The following OSBPL2 variants were observed in gnomAD, a reference collection of about 807,000 sequenced individuals.
OSBPL2 encodes the protein oxysterol-binding protein-related protein 2.
Under a neutral mutation model 58.4 loss-of-function variants are expected in OSBPL2, and 18 were observed. That is an observed-to-expected ratio of 0.31 (90% confidence interval 0.21 to 0.46). The LOEUF is 0.46. Among genes scored for constraint, OSBPL2 ranks in the 20% least tolerant of loss-of-function variants. OSBPL2 has a pLI of 1.00. For missense variants in OSBPL2, 461 were observed against 616.5 expected, an observed-to-expected ratio of 0.75 and a Z score of 2.67; for synonymous variants, 221 against 234.1, an observed-to-expected ratio of 0.94 and a Z score of 0.51.
intron 11 of OSBPL2, 85 bp downstream of exon 11, chr20:62,286,796 T>G (rs1983160705): frequency 6.8e-7 from 1 of 1,475,404 alleles, no homozygotes; most frequent in African/African-American, 1.4e-5. Flanking sequence ...TTCCCTGTCC[T>G]TGGGCCCTTG....
rs537901819 is a variant in OSBPL2 at position 62,252,691 on chromosome 20, A to C, written c.-128-3366A>C. ...CTGAGACTGGGTAATTGATAAGGAA[A>C]GGTCGTTTAATTAGGTCGCGGTTCT... On this transcript the variant is annotated intron_variant, in intron 1 of 13. Coordinates refer to ENST00000313733, the MANE Select transcript of OSBPL2 (RefSeq NM_144498.4). Among the ~76,000 whole-genome samples, 13 of 152,326 alleles carry C rather than the reference A, an allele frequency of 8.5e-5. No homozygotes were observed. In the East Asian group the frequency reaches 2.1e-3, roughly 25 times the overall value.
chr20:62,292,569 G>A (rs935079252), intron 13 of OSBPL2, among the ~76,000 whole-genome samples: 4 of 152,114 alleles, frequency 2.6e-5, no homozygotes, highest in Admixed American at 1.3e-4. Context: ...CATTGAATAA[G>A]GATTCAATCA....
chr20:62,289,048 G>A (rs974711580), intron 11 of OSBPL2, among the ~76,000 whole-genome samples, 159 bp from the exon 12 acceptor site: 6 of 152,212 alleles, frequency 3.9e-5, no homozygotes, highest in Non-Finnish European at 8.8e-5. Context: ...AGACGGCAGA[G>A]GCATTGAATT....
intron 2 of OSBPL2, chr20:62,259,281 A>G (rs1297121999): frequency 6.6e-6 from 1 of 152,172 alleles, no homozygotes; most frequent in Non-Finnish European, 1.5e-5. Flanking sequence ...CCTGTTCCCT[A>G]GTTGCCCGTT....
chr20:62,247,371 C>G (rs1199338645), intron 1 of OSBPL2, among the ~76,000 whole-genome samples: 1 of 152,330 alleles, frequency 6.6e-6, no homozygotes, highest in Admixed American at 6.5e-5. Context: ...CCTGTGGAAC[C>G]CATTCCCTGT....
chr20:62,291,152 G>A (rs753582711), intron 12 of OSBPL2: 82 of 182,800 alleles, frequency 4.5e-4, no homozygotes, highest in Admixed American at 4.8e-4. Context: ...ATGAGCCACC[G>A]CGCCCAGCTT....
intron 10 of OSBPL2, chr20:62,284,833 T>C (rs1467007658): frequency 6.6e-6 from 1 of 152,270 alleles, no homozygotes; most frequent in African/African-American, 2.4e-5. Context: ...AAGTTCTGGG[T>C]CCTTCTTAAT....
intron 1 of OSBPL2, among the ~76,000 whole-genome samples, chr20:62,252,608 G>C (rs1406170583): frequency 2.0e-5 from 3 of 152,338 alleles, no homozygotes; most frequent in Non-Finnish European, 4.4e-5. Context: ...TCTGGTCTCT[G>C]TACTTCCCTA....
intron 1 of OSBPL2, among the ~76,000 whole-genome samples, chr20:62,246,669 T>A (rs1423323445): frequency 6.6e-6 from 1 of 152,140 alleles, no homozygotes; most frequent in Non-Finnish European, 1.5e-5. Flanking sequence ...GCCCCAGGGC[T>A]TAGAAGGTGC....
intron 3 of OSBPL2, among the ~76,000 whole-genome samples, chr20:62,262,386 T>G (rs1044879311): frequency 2.6e-5 from 4 of 152,202 alleles, no homozygotes; most frequent in Non-Finnish European, 4.4e-5. Context: ...TTTCTCTTCT[T>G]TCATGTCTGT....
chr20:62,265,036 C>T (rs1981576387), intron 4 of OSBPL2, among the ~76,000 whole-genome samples: 1 of 152,194 alleles, frequency 6.6e-6, no homozygotes, highest in Non-Finnish European at 1.5e-5. Context: ...CAAGTGTCTC[C>T]ACTGCAAAGT....
chr20:62,289,535 C>T (rs955136353), intron 12 of OSBPL2, among the ~76,000 whole-genome samples: 1 of 152,350 alleles, frequency 6.6e-6, no homozygotes, highest in Non-Finnish European at 1.5e-5. Context: ...GATCTCTCGC[C>T]TGCCTCAGAC....
At chr20:62,274,752 A>G (rs1982278517) in intron 6 of OSBPL2, among the ~76,000 whole-genome samples, 1 of 152,262 alleles carries the variant, frequency 6.6e-6, no homozygotes, top group African/African-American at 2.4e-5. Flanking sequence ...TATCTAGACA[A>G]GTCTGCTGTG....
rs529025795 is a variant in OSBPL2, at chr20:62,295,574, C to G, written c.*1687C>G. ...ATCCTCGGGGCCTATGAGCTCCGTA[C>G]CAGCCACTCAAAAGTGTCTGAACAG... On this transcript the variant is annotated 3_prime_UTR_variant, in exon 14 of 14. Coordinates refer to ENST00000313733, the MANE Select transcript of OSBPL2 (RefSeq NM_144498.4). The surrounding 1 kb of genome is among the most constrained non-coding windows in gnomAD (Gnocchi z 4.8). The G allele has an allele frequency of 6.6e-6, 1 of 152,186 alleles. No homozygotes were observed. Among genetic ancestry groups the G allele is most frequent in the Non-Finnish European group, 1.5e-5 (1 of 68,040 alleles). 9.4% of individuals were successfully genotyped at this position (152,186 alleles called of 1,614,324 possible). A position where few individuals can be genotyped will look rare whatever the true frequency, so the allele number is the denominator to read the frequency against.
intron 1 of OSBPL2, among the ~76,000 whole-genome samples, chr20:62,245,492 C>T (rs1307408082): frequency 1.3e-5 from 2 of 152,226 alleles, no homozygotes; most frequent in African/African-American, 4.8e-5. Context: ...AAGAACCATA[C>T]AGGCCTGAAG....
intron 8 of OSBPL2, chr20:62,281,548 G>A (rs1264315986): frequency 1.9e-6 from 1 of 524,962 alleles, no homozygotes; most frequent in Non-Finnish European, 3.4e-6. Context: ...TATAATCGAT[G>A]CATCATAAGA....
At chr20:62,266,275 TGGGAG>T (rs2145942655) in intron 4 of OSBPL2, among the ~76,000 whole-genome samples, 1 of 152,330 alleles carries the variant, frequency 6.6e-6, no homozygotes, top group South Asian at 2.1e-4. Flanking sequence ...AGAAAGGCGC[TGGGAG>T]GGGCCTTGTG....
At chr20:62,287,614 G>A (rs1022115088) in intron 11 of OSBPL2, among the ~76,000 whole-genome samples, 1 of 152,098 alleles carries the variant, frequency 6.6e-6, no homozygotes, top group Non-Finnish European at 1.5e-5. Context: ...GTGCCACCAT[G>A]CCAGACTAAT....
intron 1 of OSBPL2, among the ~76,000 whole-genome samples, chr20:62,254,898 C>T (rs1049615639): frequency 3.3e-5 from 5 of 152,168 alleles, no homozygotes; most frequent in Non-Finnish European, 7.3e-5. Flanking sequence ...ACATAGCAGC[C>T]TCAATTCTCT....
Sources: allele counts gnomAD v4.1 joint callset (sites outside exome capture counted in the v4.1 genomes callset), GRCh38; gene constraint gnomAD v4.1.1; non-coding constraint Gnocchi (gnomAD v3.1); transcripts MANE v1.5; gene names NCBI Gene and HGNC (gene_info 2026-07-23, HGNC 2026-07-21).